Variants in XKR5 observed in about 807,000 individuals in gnomAD.
XKR5 encodes XK-related protein 5.
Under a neutral mutation model 40.8 loss-of-function variants are expected in XKR5, and 46 were observed. That is an observed-to-expected ratio of 1.13 (90% CI 0.89 to 1.44). The LOEUF is 1.44. XKR5 is among the 40% of genes most tolerant of loss of function. The pLI is 0.00. For synonymous variants in XKR5, 466 were observed against 356.1 expected, an observed-to-expected ratio of 1.31 and a Z score of -3.48; for missense variants, 1,169 against 844.7, an observed-to-expected ratio of 1.38 and a Z score of -4.76.
At chr8:6,826,854 C>T (rs796520096) in intron 2 of XKR5, among the ~76,000 whole-genome samples, 3 of 152,152 alleles carry the variant, frequency 2.0e-5, no homozygotes, top group African/African-American at 7.2e-5. Context: ...AGCTGCTGAT[C>T]TCTGCACTGT....
intron 6 of XKR5, 55 bp downstream of exon 6, chr8:6,815,752 A>AC: frequency 7.4e-7 from 1 of 1,347,306 alleles, no homozygotes. Flanking sequence ...CCATTGTAAA[A>AC]AAAAAAAATA....
At chr8:6,824,031 A>T (rs569614344) in intron 3 of XKR5, among the ~76,000 whole-genome samples, 5 of 152,324 alleles carry the variant, frequency 3.3e-5, no homozygotes, top group South Asian at 2.1e-4. Flanking sequence ...GCCCTTTAAG[A>T]AAAACGTCCC....
intron 4 of XKR5, among the ~76,000 whole-genome samples, chr8:6,822,768 C>T (rs1804298505): frequency 6.6e-6 from 1 of 152,182 alleles, no homozygotes; most frequent in African/African-American, 2.4e-5. Flanking sequence ...CAGATAGACT[C>T]TCTGTCATTG....
chr8:6,821,006 A>G (rs1418975644), intron 5 of XKR5, among the ~76,000 whole-genome samples: 1 of 152,202 alleles, frequency 6.6e-6, no homozygotes, highest in Non-Finnish European at 1.5e-5. Context: ...CTTTACAGGA[A>G]CCCTGAAGAG....
chr8:6,822,944 C>G (rs1804305785), intron 4 of XKR5, among the ~76,000 whole-genome samples: 1 of 152,212 alleles, frequency 6.6e-6, no homozygotes, highest in Non-Finnish European at 1.5e-5. Flanking sequence ...ATTTTTATAT[C>G]AGGTGAGGCA....
chr8:6,832,574 C>A (rs1211461592), intron 2 of XKR5, 143 bp downstream of exon 2: 2 of 983,028 alleles, frequency 2.0e-6, no homozygotes, highest in Admixed American at 2.9e-5. Flanking sequence ...AATATCAGAG[C>A]AGGGGTTTGC....
chr8:6,816,641 A>T (rs1043795040), intron 5 of XKR5, among the ~76,000 whole-genome samples: 3 of 148,216 alleles, frequency 2.0e-5, no homozygotes, highest in African/African-American at 7.3e-5. Context: ...TATATTTAAT[A>T]TATATTTTAA....
intron 6 of XKR5, 34 bp from the exon 7 acceptor site, chr8:6,812,373 T>A (rs1190365604): frequency 1.3e-6 from 2 of 1,499,156 alleles, no homozygotes; most frequent in South Asian, 2.7e-5. Flanking sequence ...AAGGTTATGT[T>A]CTTTGAAGTC....
At chr8:6,831,094 A>G (rs1419301830) in intron 2 of XKR5, among the ~76,000 whole-genome samples, 1 of 152,184 alleles carries the variant, frequency 6.6e-6, no homozygotes, top group Non-Finnish European at 1.5e-5. Flanking sequence ...GACTCACTCA[A>G]CAGGCCTCTG....
chr8:6,827,291 G>C (rs1384145862), intron 2 of XKR5, among the ~76,000 whole-genome samples: 1 of 152,114 alleles, frequency 6.6e-6, no homozygotes, highest in African/African-American at 2.4e-5. Flanking sequence ...TCCCTGTCTT[G>C]TTCAATTTAA....
In XKR5 at chr8:6,809,947, C is replaced by T. The variant is rs1157139544; in HGVS notation, c.*1251G>A. The stretch of plus-strand genomic sequence containing the variant: ...GCCACCTGGCAAGAACCTGTCTCTA[C>T]AAAAAATACAAAAAAGTAGCCAGGC... On this transcript the variant is annotated 3_prime_UTR_variant, in exon 7 of 7. Coordinates refer to ENST00000618742, the MANE Select transcript of XKR5 (RefSeq NM_207411.5). The T allele has an allele frequency of 6.6e-6, 1 of 152,030 alleles. No individual in the cohort carries two copies. Among genetic ancestry groups the T allele is most frequent in the Admixed American group, 6.6e-5 (1 of 15,248 alleles). The allele number at this position is 152,030 out of a possible 1,614,324, so 9.4% of individuals were successfully genotyped here. A position where few individuals can be genotyped will look rare whatever the true frequency, so the allele number is the denominator to read the frequency against.
intron 2 of XKR5, among the ~76,000 whole-genome samples, chr8:6,832,038 AAC>A (rs1320669996): frequency 5.5e-5 from 7 of 127,638 alleles, no homozygotes; most frequent in Non-Finnish European, 1.0e-4. Context: ...AAAAAAAACA[AAC>A]CTAACAACCC....
At chr8:6,833,895 T>C (rs1804881233) in intron 1 of XKR5, among the ~76,000 whole-genome samples, 1 of 152,190 alleles carries the variant, frequency 6.6e-6, no homozygotes, top group South Asian at 2.1e-4. Flanking sequence ...GCGCCTAGCA[T>C]CTTGTGCATC....
rs1335142937 is a variant in XKR5 at position 6,810,458 on chromosome 8, TGGCCA to T, written c.*735_*739del. ...TGGGAGCTGGAAGGGAACTCTTGGC[TGGCCA>T]GCCTGCACAAAGGGGAGCAGCACAT... On this transcript the variant is annotated 3_prime_UTR_variant, in exon 7 of 7. Coordinates refer to ENST00000618742, the MANE Select transcript of XKR5 (RefSeq NM_207411.5). The T allele has an allele frequency of 6.6e-6, 1 of 152,248 alleles. No individual in the cohort carries two copies. The highest frequency in any genetic ancestry group is 2.4e-5 in the African/African-American group (1 of 41,454). 9.4% of individuals were successfully genotyped at this position (152,248 alleles called of 1,614,324 possible). A position where few individuals can be genotyped will look rare whatever the true frequency, so the allele number is the denominator to read the frequency against.
intron 1 of XKR5, among the ~76,000 whole-genome samples, chr8:6,834,656 G>A (rs1413287686): frequency 1.3e-5 from 2 of 151,942 alleles, no homozygotes; most frequent in Non-Finnish European, 2.9e-5. Context: ...CCAAGGCGGC[G>A]TTCCCAGGGT....
At position 6,832,775 on chromosome 8, in the gene XKR5, G is replaced by A; in HGVS notation, c.184C>T (p.His62Tyr). ...LSYLWFRADG[H>Y]PGHCSLMMLH... The stretch of plus-strand genomic sequence containing the variant: ...ATCATCAAGGAGCAATGCCCTGGAT[G>A]CCCGTCTGCTCGGAACCACAGGTAG... Residue 62 changes from histidine (H) to tyrosine (Y), a missense_variant, in exon 2 of 7, where the codon CAT (histidine) becomes TAT (tyrosine). By Grantham distance (83) the His-to-Tyr change is moderately conservative (BLOSUM62 2). Coordinates refer to ENST00000618742, the MANE Select transcript of XKR5 (RefSeq NM_207411.5). 1 of 1,613,382 alleles carries A rather than the reference G, an allele frequency of 6.2e-7. No individual in the cohort carries two copies.
chr8:6,830,210 G>T (rs1804697805), intron 2 of XKR5, among the ~76,000 whole-genome samples: 1 of 152,144 alleles, frequency 6.6e-6, no homozygotes, highest in South Asian at 2.1e-4. Flanking sequence ...TGTATTTTGT[G>T]ATGAGGACAC....
chr8:6,819,597 G>A (rs1340546963), intron 5 of XKR5, among the ~76,000 whole-genome samples: 4 of 152,302 alleles, frequency 2.6e-5, no homozygotes, highest in African/African-American at 9.6e-5. Flanking sequence ...ACAGGGAGGG[G>A]CCCAGACTCA....
intron 6 of XKR5, among the ~76,000 whole-genome samples, chr8:6,815,238 C>T (rs531155552): frequency 6.6e-6 from 1 of 152,172 alleles, no homozygotes; most frequent in South Asian, 2.1e-4. Context: ...AGGTCATCAC[C>T]GTGGGTGTGA....
Sources: allele counts gnomAD v4.1 joint callset (sites outside exome capture counted in the v4.1 genomes callset), GRCh38; gene constraint gnomAD v4.1.1; transcripts MANE v1.5; gene names NCBI Gene and HGNC (gene_info 2026-07-23, HGNC 2026-07-21).